Variants in DSCAM observed in about 807,000 individuals in gnomAD.
The protein encoded by DSCAM is cell adhesion molecule DSCAM.
A neutral mutation model predicts 217.7 loss-of-function variants in DSCAM; 47 were observed. That is an observed-to-expected ratio of 0.22 (90% CI 0.17 to 0.28). The LOEUF is 0.28. DSCAM is among the 10% of genes least tolerant of loss of function. DSCAM has a pLI of 1.00. For synonymous variants in DSCAM, 1,056 were observed against 1,015.3 expected (o/e 1.04, Z -0.76); for missense variants, 2,080 against 2,618.3 (o/e 0.79, Z 4.49).
chr21:40,659,112 C>A (rs952856992), intron 3 of DSCAM, among the ~76,000 whole-genome samples: 6 of 152,116 alleles, frequency 3.9e-5, no homozygotes, highest in African/African-American at 1.4e-4. Flanking sequence ...GCTGCCCCCA[C>A]AGATGTCACC....
intron 3 of DSCAM, among the ~76,000 whole-genome samples, chr21:40,404,008 A>T (rs1245817782): frequency 6.6e-6 from 1 of 152,204 alleles, no homozygotes; most frequent in South Asian, 2.1e-4. Context: ...AGAAACTGAC[A>T]TAGATTATCT....
At chr21:40,311,998 T>G in intron 9 of DSCAM, 83 bp downstream of exon 9, 1 of 976,868 alleles carries the variant, frequency 1.0e-6, no homozygotes. Context: ...CCAGTTATTT[T>G]CGAAATATTT....
intron 1 of DSCAM, among the ~76,000 whole-genome samples, chr21:40,731,454 T>C (rs1004281661): frequency 6.6e-6 from 1 of 152,180 alleles, no homozygotes; most frequent in African/African-American, 2.4e-5. Flanking sequence ...TGCTAGGGCT[T>C]CTGTAACAAA....
chr21:40,614,238 G>C (rs2089356993), intron 3 of DSCAM, among the ~76,000 whole-genome samples: 1 of 152,158 alleles, frequency 6.6e-6, no homozygotes, highest in Non-Finnish European at 1.5e-5. Flanking sequence ...CACCCTAAGG[G>C]TTTTTTAGAG....
chr21:40,109,632 A>G (rs1051363990), intron 20 of DSCAM, among the ~76,000 whole-genome samples: 3 of 152,262 alleles, frequency 2.0e-5, no homozygotes, highest in Admixed American at 1.3e-4. Context: ...CGCCTCACCC[A>G]GGAAGCACAA....
chr21:40,359,278 G>T (rs2074731248), intron 4 of DSCAM, among the ~76,000 whole-genome samples: 2 of 152,160 alleles, frequency 1.3e-5, no homozygotes, highest in Admixed American at 1.3e-4. Context: ...GCTTAAGAAT[G>T]CCCCCTCAGT....
chr21:40,679,556 T>C (rs748804346), intron 3 of DSCAM, among the ~76,000 whole-genome samples: 11 of 152,208 alleles, frequency 7.2e-5, no homozygotes, highest in South Asian at 2.1e-4. Flanking sequence ...GTGCATGCCA[T>C]AGAATTGTTA....
chr21:40,795,841 G>C (rs1489458539), intron 1 of DSCAM, among the ~76,000 whole-genome samples: 1 of 152,182 alleles, frequency 6.6e-6, no homozygotes, highest in African/African-American at 2.4e-5. Context: ...TGATCTGATT[G>C]TTTGGTATTT....
At chr21:40,044,717 T>C (rs1045695658) in intron 30 of DSCAM, among the ~76,000 whole-genome samples, 1 of 152,208 alleles carries the variant, frequency 6.6e-6, no homozygotes, top group Non-Finnish European at 1.5e-5. Context: ...TTGGTTACGA[T>C]GTTTGCAACT....
At chr21:40,353,187 G>A (rs2074652259) in intron 5 of DSCAM, among the ~76,000 whole-genome samples, 1 of 152,088 alleles carries the variant, frequency 6.6e-6, no homozygotes, top group South Asian at 2.1e-4. Flanking sequence ...ATCATATCTT[G>A]GAAATGTAAT....
At chr21:40,549,152 C>T (rs1053111153) in intron 3 of DSCAM, among the ~76,000 whole-genome samples, 1 of 152,188 alleles carries the variant, frequency 6.6e-6, no homozygotes, top group African/African-American at 2.4e-5. Flanking sequence ...TGCACCATGG[C>T]ACTTCAGCTT....
chr21:40,435,961 C>T (rs933816181), intron 3 of DSCAM, among the ~76,000 whole-genome samples: 1 of 152,182 alleles, frequency 6.6e-6, no homozygotes, highest in African/African-American at 2.4e-5. Flanking sequence ...TCAAGAAAAA[C>T]AACCATGAGA....
intron 3 of DSCAM, among the ~76,000 whole-genome samples, chr21:40,610,535 G>T (rs970154800): frequency 1.3e-5 from 2 of 152,200 alleles, no homozygotes; most frequent in African/African-American, 4.8e-5. Context: ...GTGTGGGGCT[G>T]TGTGATTCTG....
chr21:40,585,310 C>G (rs1184911671), intron 3 of DSCAM, among the ~76,000 whole-genome samples: 1 of 150,074 alleles, frequency 6.7e-6, no homozygotes, highest in African/African-American at 2.5e-5. Flanking sequence ...TGAAGATACT[C>G]TATTGAGTGT....
At chr21:40,663,102 GGTGT>G (rs1033411158) in intron 3 of DSCAM, among the ~76,000 whole-genome samples, 2 of 150,522 alleles carry the variant, frequency 1.3e-5, no homozygotes, top group African/African-American at 4.9e-5. Context: ...GTATGTGTGT[GGTGT>G]GTATGTGTGA....
At chr21:40,485,821 CAT>C (rs956010255) in intron 3 of DSCAM, among the ~76,000 whole-genome samples, 1 of 151,982 alleles carries the variant, frequency 6.6e-6, no homozygotes, top group Non-Finnish European at 1.5e-5. Flanking sequence ...TATATACACA[CAT>C]ATATACATAC....
At chr21:40,667,452 T>C (rs1476612264) in intron 3 of DSCAM, among the ~76,000 whole-genome samples, 1 of 152,210 alleles carries the variant, frequency 6.6e-6, no homozygotes, top group Admixed American at 6.5e-5. Context: ...GAATGTCTGT[T>C]GAAAATATGT....
chr21:40,536,653 G>A (rs986735664), intron 3 of DSCAM, among the ~76,000 whole-genome samples: 32 of 152,084 alleles, frequency 2.1e-4, no homozygotes, highest in African/African-American at 7.0e-4. Context: ...TGATCCGCCC[G>A]CCTTGGCCTC....
intron 15 of DSCAM, among the ~76,000 whole-genome samples, chr21:40,168,435 C>T (rs1293171998): frequency 6.6e-6 from 1 of 152,118 alleles, no homozygotes; most frequent in Non-Finnish European, 1.5e-5. Context: ...AAGAAGGTTG[C>T]AATGCAAGGC....
Sources: gnomAD v4.1 joint callset for allele counts (sites outside exome capture counted in the v4.1 genomes callset) on GRCh38, gnomAD v4.1.1 for gene constraint, MANE v1.5 for transcripts, NCBI Gene and HGNC (gene_info 2026-07-23, HGNC 2026-07-21) for gene names.